The following STK33 variants were observed in gnomAD, a reference collection of about 807,000 sequenced individuals.
The protein encoded by STK33 is serine/threonine-protein kinase 33.
STK33 carries 52 observed loss-of-function variants against 58.0 expected under a neutral mutation model. The observed-to-expected ratio is 0.90, with a 90% CI of 0.72 to 1.13. The LOEUF (loss-of-function observed/expected upper bound fraction) is 1.13. Among genes scored for constraint, STK33 ranks in the 50% most tolerant of loss-of-function variants. The pLI is 0.00. For synonymous variants in STK33, 215 were observed against 200.1 expected, an observed-to-expected ratio of 1.07 and a Z score of -0.63; for missense variants, 630 against 604.2, an observed-to-expected ratio of 1.04 and a Z score of -0.45.
At chr11:8,348,780 A>G in the STK33 span, among the ~76,000 whole-genome samples, 1 of 152,126 alleles carries the variant, frequency 6.6e-6, no homozygotes, top group Non-Finnish European at 1.5e-5. Context: ...CTGCACGTTG[A>G]GTCTGCCTCT....
At chr11:8,576,894 T>A (rs1476844775) in intron 1 of STK33, among the ~76,000 whole-genome samples, 1 of 152,170 alleles carries the variant, frequency 6.6e-6, no homozygotes, top group Non-Finnish European at 1.5e-5. Flanking sequence ...GACTACTGGA[T>A]GACTTTAAAA....
chr11:8,482,676 G>C (rs1252391044), intron 1 of STK33, among the ~76,000 whole-genome samples: 3 of 152,006 alleles, frequency 2.0e-5, no homozygotes, highest in Non-Finnish European at 4.4e-5. Flanking sequence ...TCCCCTGTAT[G>C]TAAAGCAAAG....
chr11:8,352,727 GGCT>G, the STK33 span, among the ~76,000 whole-genome samples: 2 of 152,166 alleles, frequency 1.3e-5, no homozygotes, highest in African/African-American at 4.8e-5. Context: ...GCTCCTGGGT[GGCT>G]GCAATTAATA....
chr11:8,335,017 C>T, the STK33 span, among the ~76,000 whole-genome samples: 2 of 152,190 alleles, frequency 1.3e-5, no homozygotes, highest in African/African-American at 2.4e-5. Context: ...ACAGAGGGAA[C>T]AGAGAAATCC....
intron 6 of STK33, among the ~76,000 whole-genome samples, chr11:8,471,285 C>G (rs1490082903): frequency 6.6e-6 from 1 of 152,188 alleles, no homozygotes; most frequent in African/African-American, 2.4e-5. Flanking sequence ...AAATGGCCAA[C>G]TAGTTTTTTA....
downstream of STK33, among the ~76,000 whole-genome samples, chr11:8,389,746 T>C (rs1848591965): frequency 6.6e-6 from 1 of 152,234 alleles, no homozygotes; most frequent in Non-Finnish European, 1.5e-5. Flanking sequence ...ATTTCAGTGA[T>C]AAGCACAAGA....
At chr11:8,482,650 C>T (rs1050809347) in intron 1 of STK33, among the ~76,000 whole-genome samples, 3 of 152,122 alleles carry the variant, frequency 2.0e-5, no homozygotes, top group African/African-American at 4.8e-5. Context: ...CTACTCCTAT[C>T]CCTTATTAGC....
At chr11:8,519,708 T>C (rs538575364) in intron 1 of STK33, among the ~76,000 whole-genome samples, 44 of 151,114 alleles carry the variant, frequency 2.9e-4, no homozygotes, top group African/African-American at 9.1e-4. Context: ...GAGAATACTA[T>C]AAACACCTCT....
intron 11 of STK33, among the ~76,000 whole-genome samples, chr11:8,441,056 AGACAACAATAT>A (rs1944678639): frequency 6.6e-6 from 1 of 152,226 alleles, no homozygotes; most frequent in Admixed American, 6.5e-5. Flanking sequence ...TTATAGTAGA[AGACAACAATAT>A]CCCAGCCCTT....
At chr11:8,515,785 T>C (rs1203497355) in intron 1 of STK33, among the ~76,000 whole-genome samples, 4 of 152,130 alleles carry the variant, frequency 2.6e-5, no homozygotes, top group African/African-American at 9.7e-5. Context: ...TTCAACACTT[T>C]TTCATGATAA....
chr11:8,383,339 G>A, the STK33 span, among the ~76,000 whole-genome samples: 1 of 152,290 alleles, frequency 6.6e-6, no homozygotes, highest in East Asian at 1.9e-4. Flanking sequence ...GTGAGCAGCA[G>A]GTGTCAGATG....
chr11:8,548,089 C>G (rs991273709), intron 1 of STK33, among the ~76,000 whole-genome samples: 1 of 151,546 alleles, frequency 6.6e-6, no homozygotes, highest in African/African-American at 2.4e-5. Context: ...TGCAGCACAC[C>G]AACATGGCAC....
intron 2 of STK33, among the ~76,000 whole-genome samples, chr11:8,479,672 G>A (rs1012698969): frequency 2.6e-5 from 4 of 151,886 alleles, no homozygotes; most frequent in African/African-American, 9.7e-5. Flanking sequence ...GTGAAACCCC[G>A]TCTCTACAAA....
At chr11:8,369,159 T>C in the STK33 span, among the ~76,000 whole-genome samples, 4 of 152,160 alleles carry the variant, frequency 2.6e-5, no homozygotes, top group Non-Finnish European at 4.4e-5. Flanking sequence ...ATCATATTCA[T>C]TGAGAGAGAA....
At chr11:8,543,617 G>A (rs1955688308) in intron 1 of STK33, among the ~76,000 whole-genome samples, 1 of 152,038 alleles carries the variant, frequency 6.6e-6, no homozygotes, top group African/African-American at 2.4e-5. Context: ...TTGGTGGTAG[G>A]GGGAAGATGG....
chr11:8,421,773 AGGTCTTATAAATCT>A (rs1941958524), intron 14 of STK33, among the ~76,000 whole-genome samples: 1 of 152,120 alleles, frequency 6.6e-6, no homozygotes, highest in Non-Finnish European at 1.5e-5. Context: ...TTCCCCAAGG[AGGTCTTATAAATCT>A]TATGTCATGT....
chr11:8,559,695 T>C (rs1956992738), intron 1 of STK33, among the ~76,000 whole-genome samples: 1 of 152,138 alleles, frequency 6.6e-6, no homozygotes, highest in South Asian at 2.1e-4. Flanking sequence ...TTAATTACTA[T>C]AAAATCAGAA....
chr11:8,593,527 G>A (rs534861453), intron 1 of STK33, among the ~76,000 whole-genome samples: 2 of 152,290 alleles, frequency 1.3e-5, no homozygotes, highest in South Asian at 4.1e-4. Context: ...TTAGGAAGCT[G>A]AGGGAGAGTT....
intron 14 of STK33, among the ~76,000 whole-genome samples, chr11:8,427,563 AATCTGAGACTCCTATTAGATGGATT>A: frequency 6.6e-6 from 1 of 151,790 alleles, no homozygotes; most frequent in African/African-American, 2.4e-5. Flanking sequence ...TTATTTTTGT[AATCTGAGACTCCTATTAGATGGATT>A]TTGGCACTTT....
Sources: gnomAD v4.1 joint callset for allele counts (sites outside exome capture counted in the v4.1 genomes callset) on GRCh38, gnomAD v4.1.1 for gene constraint, MANE v1.5 for transcripts, NCBI Gene and HGNC (gene_info 2026-07-23, HGNC 2026-07-21) for gene names.